SLC10A7: variants seen among roughly 807,000 people sequenced by gnomAD.
SLC10A7 encodes the protein sodium/bile acid cotransporter 7.
In SLC10A7, 29 loss-of-function variants were observed where a neutral mutation model predicts 43.2. The observed-to-expected ratio is 0.67, with a 90% CI of 0.50 to 0.92. The LOEUF (loss-of-function observed/expected upper bound fraction) is 0.92. SLC10A7 is among the 40% of genes least tolerant of loss of function. SLC10A7 has a pLI of 0.00. For missense variants in SLC10A7, 295 were observed against 403.2 expected (o/e 0.73, Z 2.30); for synonymous variants, 152 against 144.8 (o/e 1.05, Z -0.35).
At chr4:146,279,491 A>G (rs947427564) in intron 10 of SLC10A7, among the ~76,000 whole-genome samples, 5 of 152,192 alleles carry the variant, frequency 3.3e-5, no homozygotes, top group Non-Finnish European at 7.3e-5. Context: ...GCTATGTAAA[A>G]TATCTTTTCA....
intron 4 of SLC10A7, among the ~76,000 whole-genome samples, chr4:146,493,486 GAA>G (rs754079380): frequency 3.8e-5 from 5 of 130,912 alleles, no homozygotes; most frequent in Non-Finnish European, 5.0e-5. Context: ...ACTCTGTCTC[GAA>G]AAAAAAAAAA....
intron 5 of SLC10A7, among the ~76,000 whole-genome samples, chr4:146,396,696 A>T (rs912338973): frequency 2.0e-5 from 3 of 152,124 alleles, no homozygotes; most frequent in Non-Finnish European, 4.4e-5. Context: ...GCTTATTTGC[A>T]AGCAAAAAAA....
chr4:146,303,199 G>A (rs1055894043), intron 7 of SLC10A7, among the ~76,000 whole-genome samples: 8 of 152,096 alleles, frequency 5.3e-5, no homozygotes, highest in African/African-American at 1.9e-4. Flanking sequence ...GTTCTACTGA[G>A]ACCTTTGCTG....
chr4:146,344,335 T>C (rs555812370), intron 5 of SLC10A7, among the ~76,000 whole-genome samples: 3 of 152,048 alleles, frequency 2.0e-5, no homozygotes, highest in East Asian at 1.9e-4. Flanking sequence ...TACAAATCAT[T>C]TGGAATTTTT....
At chr4:146,457,025 C>G (rs1281088553) in intron 4 of SLC10A7, among the ~76,000 whole-genome samples, 2 of 151,926 alleles carry the variant, frequency 1.3e-5, no homozygotes, top group East Asian at 3.9e-4. Flanking sequence ...ATTCTAGGCT[C>G]TGTGGACCAT....
intron 7 of SLC10A7, among the ~76,000 whole-genome samples, chr4:146,305,529 C>T (rs971957783): frequency 1.8e-4 from 27 of 149,136 alleles, no homozygotes; most frequent in African/African-American, 5.0e-4. Context: ...ACATATGTAA[C>T]GAACCTGCAC....
At chr4:146,518,611 T>C (rs1360836020) in intron 1 of SLC10A7, among the ~76,000 whole-genome samples, 1 of 151,988 alleles carries the variant, frequency 6.6e-6, no homozygotes, top group Non-Finnish European at 1.5e-5. Flanking sequence ...TTTTTGGAAA[T>C]AGGGTCTTTG....
intron 5 of SLC10A7, among the ~76,000 whole-genome samples, chr4:146,342,047 C>T (rs182264953): frequency 5.7e-4 from 87 of 151,770 alleles, no homozygotes; most frequent in African/African-American, 2.0e-3. Flanking sequence ...ACCCATTCCT[C>T]TACCCACCTA....
chr4:146,269,413 CG>C (rs1222488877), intron 10 of SLC10A7, among the ~76,000 whole-genome samples: 5 of 152,142 alleles, frequency 3.3e-5, no homozygotes, highest in African/African-American at 1.2e-4. Context: ...GGGGTCACCA[CG>C]TTTATGGAGA....
intron 7 of SLC10A7, among the ~76,000 whole-genome samples, chr4:146,297,864 CTT>C (rs1156429426): frequency 1.3e-5 from 2 of 152,208 alleles, no homozygotes; most frequent in Non-Finnish European, 2.9e-5. Flanking sequence ...CTACTTCACT[CTT>C]TGAAAATTCT....
intron 5 of SLC10A7, among the ~76,000 whole-genome samples, chr4:146,348,952 T>C (rs1464662979): frequency 6.6e-6 from 1 of 152,142 alleles, no homozygotes; most frequent in Non-Finnish European, 1.5e-5. Flanking sequence ...CATTAGGAAA[T>C]GCCTGAAACA....
chr4:146,310,847 C>T (rs1731926104), intron 6 of SLC10A7, among the ~76,000 whole-genome samples: 1 of 151,832 alleles, frequency 6.6e-6, no homozygotes, highest in Non-Finnish European at 1.5e-5. Context: ...TAACTCTTTA[C>T]ACTCTACTAC....
chr4:146,344,497 A>G (rs908867626), intron 5 of SLC10A7, among the ~76,000 whole-genome samples: 9 of 151,976 alleles, frequency 5.9e-5, no homozygotes, highest in Admixed American at 5.9e-4. Flanking sequence ...ATAAGCATCT[A>G]TTTTAAAATT....
intron 5 of SLC10A7, among the ~76,000 whole-genome samples, chr4:146,423,826 A>AATT (rs1391146932): frequency 2.0e-5 from 3 of 152,236 alleles, no homozygotes; most frequent in Admixed American, 2.0e-4. Flanking sequence ...AACAAATGGT[A>AATT]ATTCCATTTA....
chr4:146,268,931 C>T (rs754641175), intron 10 of SLC10A7, among the ~76,000 whole-genome samples: 10 of 151,974 alleles, frequency 6.6e-5, no homozygotes, highest in African/African-American at 1.9e-4. Flanking sequence ...GGAAAATAAC[C>T]GTTACACAGA....
chr4:146,360,189 T>A (rs1440715096), intron 5 of SLC10A7, among the ~76,000 whole-genome samples: 1 of 152,066 alleles, frequency 6.6e-6, no homozygotes, highest in Non-Finnish European at 1.5e-5. Flanking sequence ...TTATTCTCAC[T>A]GCCATTACCT....
intron 5 of SLC10A7, among the ~76,000 whole-genome samples, chr4:146,371,776 A>G (rs1736796928): frequency 6.6e-6 from 1 of 152,154 alleles, no homozygotes; most frequent in South Asian, 2.1e-4. Flanking sequence ...ATGTATAAAA[A>G]CAGGGCCTCA....
chr4:146,430,729 C>T (rs1044827981), intron 5 of SLC10A7, among the ~76,000 whole-genome samples: 3 of 152,142 alleles, frequency 2.0e-5, no homozygotes, highest in African/African-American at 7.2e-5. Context: ...TAACCATCCC[C>T]GGACACATAG....
chr4:146,297,181 A>C (rs1730843347), intron 7 of SLC10A7, among the ~76,000 whole-genome samples: 1 of 152,178 alleles, frequency 6.6e-6, no homozygotes, highest in Non-Finnish European at 1.5e-5. Context: ...GTTCAAAATT[A>C]AGTGACAAAT....
Sources: gnomAD v4.1 joint callset for allele counts (sites outside exome capture counted in the v4.1 genomes callset) on GRCh38, gnomAD v4.1.1 for gene constraint, MANE v1.5 for transcripts, NCBI Gene and HGNC (gene_info 2026-07-23, HGNC 2026-07-21) for gene names.